The following TLE4 variants were observed in gnomAD, a reference collection of about 807,000 sequenced individuals.
The protein encoded by TLE4 is TLE family member 4, transcriptional corepressor, also known as transducin-like enhancer protein 4.
In TLE4, 8 loss-of-function variants were observed where a neutral mutation model predicts 92.8. The ratio of observed to expected loss-of-function variants is 0.09; its 90% confidence interval spans 0.05 to 0.16. The LOEUF is 0.16. Ranked by LOEUF, TLE4 falls within the 10% of genes least tolerant of loss-of-function variation. TLE4 has a pLI of 1.00. For synonymous variants in TLE4, 371 were observed against 374.1 expected, an observed-to-expected ratio of 0.99 and a Z score of 0.10; for missense variants, 675 against 997.6, an observed-to-expected ratio of 0.68 and a Z score of 4.36.
intron 4 of TLE4, among the ~76,000 whole-genome samples, chr9:79,583,108 G>A (rs1564132034): frequency 6.6e-6 from 1 of 152,088 alleles, no homozygotes. Context: ...TCTATGGAGA[G>A]GGATTTAGCT....
At chr9:79,596,416 A>G (rs1255028782) in intron 4 of TLE4, among the ~76,000 whole-genome samples, 1 of 152,194 alleles carries the variant, frequency 6.6e-6, no homozygotes, top group Non-Finnish European at 1.5e-5. Flanking sequence ...TTTTCTGGGT[A>G]AAAGTGCAAG....
chr9:79,624,829 A>G (rs578131902), intron 5 of TLE4, among the ~76,000 whole-genome samples: 3 of 152,324 alleles, frequency 2.0e-5, no homozygotes, highest in African/African-American at 7.2e-5. Flanking sequence ...CATGGAAACT[A>G]TTCTTTGAAT....
intron 1 of TLE4, 56 bp downstream of exon 1, chr9:79,572,891 GC>G: frequency 1.9e-6 from 3 of 1,538,816 alleles, no homozygotes; most frequent in Admixed American, 1.8e-5. Flanking sequence ...TCCCCGCGTC[GC>G]CCCCTGCGCA....
At position 79,674,336 on chromosome 9, in the gene TLE4, ACTAAGT is replaced by A. The variant is rs1157955331; in HGVS notation, c.609+20262_609+20267del. On this transcript the variant is annotated intron_variant, in intron 8 of 19. Transcript: ENST00000376552. ...GATGAGGAAAGTGAGACACAGTGAG[ACTAAGT>A]AAGTTGCCTCTGGTTCACCCAGAAC... 6.0e-5 allele frequency among the ~76,000 whole-genome samples: 9 copies of A among 150,590 alleles called. No individual in the cohort carries two copies. The East Asian group carries it at 1.8e-3, about 29-fold the overall frequency.
intron 8 of TLE4, among the ~76,000 whole-genome samples, chr9:79,662,104 C>T (rs761583874): frequency 3.9e-5 from 6 of 152,186 alleles, no homozygotes; most frequent in Non-Finnish European, 5.9e-5. Context: ...TCCCCTTTTA[C>T]AGAAATGCAG....
Position 79,726,501 on chromosome 9 carries a change from G to C in TLE4, c.*1357G>C, listed in dbSNP as rs1588694292. On this transcript the variant is annotated 3_prime_UTR_variant, in exon 20 of 20. Coordinates refer to ENST00000376552, the MANE Select transcript of TLE4 (RefSeq NM_007005.6). ...TACTAGAAATGGATGGATGCTGCAA[G>C]TTGAAATGGACTGTCCATTGACGTT... The C allele has an allele frequency of 1.3e-5, 2 of 151,854 alleles. No homozygotes were observed. 9.4% of individuals were successfully genotyped at this position (151,854 alleles called of 1,614,324 possible).
intron 8 of TLE4, among the ~76,000 whole-genome samples, chr9:79,681,650 A>G (rs11138328): frequency 0.51 from 77,045 of 151,874 alleles, 22,050 homozygotes; most frequent in East Asian, 0.7. Context: ...GGCTACATGG[A>G]TACAGATCTG....
At chr9:79,665,999 T>C (rs942403919) in intron 8 of TLE4, among the ~76,000 whole-genome samples, 4 of 152,288 alleles carry the variant, frequency 2.6e-5, no homozygotes, top group South Asian at 2.1e-4. Context: ...TGGACTGTTA[T>C]TTGGTTTTTG....
At chr9:79,702,196 G>A (rs2070125632) in intron 8 of TLE4, among the ~76,000 whole-genome samples, 1 of 152,198 alleles carries the variant, frequency 6.6e-6, no homozygotes, top group South Asian at 2.1e-4. Context: ...GGATTGGGGT[G>A]TGGAGTGAGG....
chr9:79,640,423 AT>A (rs911423312), intron 6 of TLE4, among the ~76,000 whole-genome samples: 32 of 149,850 alleles, frequency 2.1e-4, no homozygotes, highest in Middle Eastern at 3.5e-3. Flanking sequence ...GTGGCTTTTA[AT>A]TTTTTTTTTC....
chr9:79,670,503 C>T (rs1009211446), intron 8 of TLE4, among the ~76,000 whole-genome samples: 6 of 152,214 alleles, frequency 3.9e-5, no homozygotes, highest in Admixed American at 2.0e-4. Context: ...TTTCCTCCCC[C>T]TCCTTTCCCA....
intron 5 of TLE4, among the ~76,000 whole-genome samples, chr9:79,613,760 C>G (rs1037340421): frequency 1.3e-5 from 2 of 152,056 alleles, no homozygotes; most frequent in African/African-American, 4.8e-5. Context: ...AATATTTGAG[C>G]CTGCATGTGT....
chr9:79,587,585 G>GT lies in TLE4; in HGVS notation c.252+11417dup, dbSNP rs1016723790. Among the ~76,000 whole-genome samples the GT allele has an allele frequency of 5.1e-4, 77 of 151,552 alleles. No individual in the cohort carries two copies. The East Asian group carries it at 6.4e-3, about 13-fold the overall frequency. ...TTTTTATAAGAGGAAATACAGCCAGGTTTTTTTTTGTTTTTGTGTTTGTAT... is the reference window on the plus strand; with the variant it reads ...TTTTTATAAGAGGAAATACAGCCAGGTTTTTTTTTTGTTTTTGTGTTTGTAT... On this transcript the variant is annotated intron_variant, in intron 4 of 19. Coordinates refer to ENST00000376552, the MANE Select transcript of TLE4 (RefSeq NM_007005.6).
At chr9:79,657,617 C>T (rs2059954422) in intron 8 of TLE4, among the ~76,000 whole-genome samples, 1 of 152,108 alleles carries the variant, frequency 6.6e-6, no homozygotes, top group African/African-American at 2.4e-5. Context: ...CCTCATAGCA[C>T]TCTCCAGTTC....
At chr9:79,635,695 T>C (rs1166372599) in intron 6 of TLE4, among the ~76,000 whole-genome samples, 2 of 152,126 alleles carry the variant, frequency 1.3e-5, no homozygotes, top group African/African-American at 4.8e-5. Flanking sequence ...TAACCTTATA[T>C]GTATGAGTGT....
At chr9:79,607,576 C>T (rs2047353861) in intron 4 of TLE4, among the ~76,000 whole-genome samples, 1 of 152,166 alleles carries the variant, frequency 6.6e-6, no homozygotes, top group Non-Finnish European at 1.5e-5. Context: ...GATCCAGTTT[C>T]AGCTTTCTAC....
At chr9:79,717,812 A>G (rs2074839528) in intron 14 of TLE4, among the ~76,000 whole-genome samples, 1 of 152,136 alleles carries the variant, frequency 6.6e-6, no homozygotes, top group Non-Finnish European at 1.5e-5. Context: ...CTTTTCCAAA[A>G]TGGGCTGTTG....
intron 8 of TLE4, among the ~76,000 whole-genome samples, chr9:79,661,730 T>C (rs1249945430): frequency 2.0e-5 from 3 of 152,246 alleles, no homozygotes; most frequent in Admixed American, 2.0e-4. Flanking sequence ...ATCTAAATAT[T>C]GAATAAAATA....
intron 8 of TLE4, among the ~76,000 whole-genome samples, chr9:79,670,759 G>A (rs531847228): frequency 2.5e-4 from 38 of 152,200 alleles, no homozygotes; most frequent in African/African-American, 8.0e-4. Flanking sequence ...GGTGGTCTGG[G>A]TTCAAATCAT....
Sources: allele counts gnomAD v4.1 joint callset (sites outside exome capture counted in the v4.1 genomes callset), GRCh38; gene constraint gnomAD v4.1.1; transcripts MANE v1.5; gene names NCBI Gene and HGNC (gene_info 2026-07-23, HGNC 2026-07-21).